The following COX5A variants were observed in gnomAD, a reference collection of about 807,000 sequenced individuals.
The protein encoded by COX5A is cytochrome c oxidase subunit 5A.
In COX5A, 6 loss-of-function variants were observed where a neutral mutation model predicts 16.1. The observed-to-expected ratio is 0.37, with a 90% CI of 0.20 to 0.73. The LOEUF (loss-of-function observed/expected upper bound fraction) is 0.73, where lower values mean the gene tolerates loss of function less well. Among genes scored for constraint, COX5A ranks in the 30% least tolerant of loss-of-function variants. The probability of loss-of-function intolerance (pLI) is 0.50; values close to 1 mark genes in which losing one functional copy is unlikely to be tolerated. For missense variants in COX5A, 159 were observed against 194.9 expected, an observed-to-expected ratio of 0.82 and a Z score of 1.10; for synonymous variants, 73 against 73.8, an observed-to-expected ratio of 0.99 and a Z score of 0.06.
intron 4 of COX5A, among the ~76,000 whole-genome samples, chr15:74,922,665 T>A (rs1038851411): frequency 2.4e-5 from 3 of 126,426 alleles, no homozygotes; most frequent in African/African-American, 1.1e-4. Context: ...AAGTTGAGTC[T>A]TTTTTTTTTT....
At chr15:74,920,930 TC>T (rs1268650257) in intron 4 of COX5A, among the ~76,000 whole-genome samples, 1 of 151,534 alleles carries the variant, frequency 6.6e-6, no homozygotes, top group African/African-American at 2.4e-5. Context: ...TGGGCCGAGA[TC>T]GCTTCATTGC....
chr15:74,928,368 A>G (rs1372952017), intron 2 of COX5A, among the ~76,000 whole-genome samples: 1 of 152,064 alleles, frequency 6.6e-6, no homozygotes, highest in African/African-American at 2.4e-5. Context: ...AGGGAACCAA[A>G]TGACTGCTTT....
intron 1 of COX5A, among the ~76,000 whole-genome samples, chr15:74,931,517 G>T (rs994647025): frequency 7.3e-5 from 11 of 151,250 alleles, no homozygotes; most frequent in Non-Finnish European, 1.6e-4. Flanking sequence ...AAAAAGAAAT[G>T]ATGTTTACAT....
chr15:74,932,317 A>T (rs1468180742), intron 1 of COX5A, among the ~76,000 whole-genome samples: 1 of 151,720 alleles, frequency 6.6e-6, no homozygotes, highest in Non-Finnish European at 1.5e-5. Flanking sequence ...GGCTTAACAT[A>T]TTTTTATTTA....
At chr15:74,928,083 A>G (rs955516772) in intron 2 of COX5A, among the ~76,000 whole-genome samples, 5 of 152,158 alleles carry the variant, frequency 3.3e-5, no homozygotes, top group African/African-American at 1.2e-4. Flanking sequence ...GTTGTAGCAA[A>G]AGGGAATCAT....
At chr15:74,932,569 C>T (rs2065372175) in intron 1 of COX5A, among the ~76,000 whole-genome samples, 1 of 152,058 alleles carries the variant, frequency 6.6e-6, no homozygotes, top group South Asian at 2.1e-4. Context: ...CAGTAACTGG[C>T]AGGAGGAAGA....
At position 74,938,067 on chromosome 15, in the gene COX5A, G is replaced by C. The variant is rs1275592358; in HGVS notation, c.-53C>G. 3.4e-6 allele frequency: 4 copies of C among 1,160,128 alleles called. No homozygotes were observed. The highest frequency in any genetic ancestry group is 1.6e-5 in the African/African-American group (1 of 62,664). The allele number at this position is 1,160,128 out of a possible 1,614,324, so 71.9% of individuals were successfully genotyped here. The stretch of plus-strand genomic sequence containing the variant: ...GACAGAGAGAAGCCGGTGTAAGCTC[G>C]CGGGTTGCTCCGGAGCGGGCGGGGG... On this transcript the variant is annotated 5_prime_UTR_variant, in exon 1 of 5. Coordinates refer to ENST00000322347, the MANE Select transcript of COX5A (RefSeq NM_004255.4).
At chr15:74,925,467 T>C (rs1381067692) in intron 3 of COX5A, among the ~76,000 whole-genome samples, 1 of 150,424 alleles carries the variant, frequency 6.6e-6, no homozygotes, top group East Asian at 2.0e-4. Context: ...TGGCTCACTG[T>C]AACCTCTGCC....
At chr15:74,926,469 C>T (rs547978176) in intron 3 of COX5A, among the ~76,000 whole-genome samples, 1 of 147,748 alleles carries the variant, frequency 6.8e-6, no homozygotes, top group African/African-American at 2.5e-5. Flanking sequence ...AGCCATCACA[C>T]ACGGCCAAGA....
At chr15:74,921,301 G>A (rs1016205197) in intron 4 of COX5A, among the ~76,000 whole-genome samples, 2 of 150,892 alleles carry the variant, frequency 1.3e-5, no homozygotes, top group African/African-American at 4.9e-5. Flanking sequence ...CCAGCTACTC[G>A]GGAGGCTGAG....
At chr15:74,933,418 AATATCTATCTATCTATCTATC>A (rs777305922) in intron 1 of COX5A, among the ~76,000 whole-genome samples, 1 of 134,132 alleles carries the variant, frequency 7.5e-6, no homozygotes, top group South Asian at 2.6e-4. Context: ...CAAAAAAAAA[AATATCTATCTATCTATCTATC>A]TATCTATCTA....
chr15:74,928,732 A>G (rs1194958346), intron 2 of COX5A, among the ~76,000 whole-genome samples: 1 of 152,178 alleles, frequency 6.6e-6, no homozygotes, highest in Non-Finnish European at 1.5e-5. Flanking sequence ...TTGCTCATCT[A>G]GCCTTATTGC....
chr15:74,921,537 CTGGCCAACA>C (rs1427470157), intron 4 of COX5A, among the ~76,000 whole-genome samples: 4 of 151,908 alleles, frequency 2.6e-5, no homozygotes, highest in Non-Finnish European at 4.4e-5. Flanking sequence ...CAAGACCAGC[CTGGCCAACA>C]TGGCGAAACC....
intron 3 of COX5A, among the ~76,000 whole-genome samples, chr15:74,925,801 C>T (rs2065340595): frequency 6.6e-6 from 1 of 152,070 alleles, no homozygotes; most frequent in Admixed American, 6.6e-5. Context: ...TGACAAATAG[C>T]AAGAAGATGA....
intron 4 of COX5A, among the ~76,000 whole-genome samples, chr15:74,922,341 T>C (rs1047673270): frequency 2.0e-5 from 3 of 149,114 alleles, no homozygotes; most frequent in African/African-American, 7.4e-5. Context: ...GCCGAGATCA[T>C]GCCATTGCAC....
chr15:74,936,622 CTTTTTTT>C (rs1021836626), intron 1 of COX5A, among the ~76,000 whole-genome samples: 16 of 112,426 alleles, frequency 1.4e-4, no homozygotes, highest in Admixed American at 6.9e-4. Flanking sequence ...AAAACATATT[CTTTTTTT>C]TTTTTTTTTT....
At chr15:74,936,645 G>C (rs1158873318) in intron 1 of COX5A, among the ~76,000 whole-genome samples, 3 of 21,732 alleles carry the variant, frequency 1.4e-4, no homozygotes, top group African/African-American at 7.1e-4. Context: ...TTTTTTTTTT[G>C]AGACGGAGTC....
At chr15:74,931,266 T>G (rs991014748) in intron 1 of COX5A, among the ~76,000 whole-genome samples, 1 of 152,036 alleles carries the variant, frequency 6.6e-6, no homozygotes, top group Non-Finnish European at 1.5e-5. Context: ...TTTGGGAGGC[T>G]GAGACTGGTG....
At chr15:74,923,546 C>T in intron 4 of COX5A, 102 bp downstream of exon 4, 1 of 593,842 alleles carries the variant, frequency 1.7e-6, no homozygotes, top group South Asian at 2.5e-5. Flanking sequence ...GCCATTACCT[C>T]TAACAAGAAC....
Sources: gnomAD v4.1 joint callset for allele counts (sites outside exome capture counted in the v4.1 genomes callset) on GRCh38, gnomAD v4.1.1 for gene constraint, MANE v1.5 for transcripts, NCBI Gene and HGNC (gene_info 2026-07-23, HGNC 2026-07-21) for gene names.